Variants in PDGFC observed in about 807,000 individuals in gnomAD.
The protein encoded by PDGFC is platelet derived growth factor C, also known as platelet-derived growth factor C.
In PDGFC, 12 loss-of-function variants were observed where a neutral mutation model predicts 35.5. The observed-to-expected ratio is 0.34, with a 90% confidence interval of 0.22 to 0.55. The LOEUF is 0.55. Among genes scored for constraint, PDGFC ranks in the 20% least tolerant of loss-of-function variants. The probability of loss-of-function intolerance (pLI) is 0.91; values close to 1 mark genes in which losing one functional copy is unlikely to be tolerated. For synonymous variants in PDGFC, 159 were observed against 148.8 expected (o/e 1.07, Z -0.50); for missense variants, 322 against 412.4 (o/e 0.78, Z 1.90).
At chr4:156,854,795 A>ACAGTATAC (rs1332594987) in intron 1 of PDGFC, among the ~76,000 whole-genome samples, 1 of 152,150 alleles carries the variant, frequency 6.6e-6, no homozygotes, top group African/African-American at 2.4e-5. Context: ...TATCCAACAG[A>ACAGTATAC]CAGTATACTC....
chr4:156,930,871 AT>A (rs1225519160), intron 1 of PDGFC, among the ~76,000 whole-genome samples: 1 of 152,212 alleles, frequency 6.6e-6, no homozygotes, highest in East Asian at 1.9e-4. Flanking sequence ...TCTCAAAAAA[AT>A]AAATAAAAAT....
chr4:156,824,624 T>C (rs911906995), intron 2 of PDGFC, among the ~76,000 whole-genome samples: 2 of 152,130 alleles, frequency 1.3e-5, no homozygotes, highest in Non-Finnish European at 2.9e-5. Flanking sequence ...CTGACATAAG[T>C]GATTACCTAT....
chr4:156,870,730 C>G (rs1258771745), intron 1 of PDGFC, among the ~76,000 whole-genome samples: 1 of 152,106 alleles, frequency 6.6e-6, no homozygotes, highest in African/African-American at 2.4e-5. Context: ...GATTAAAAAT[C>G]CTTTTAACAC....
At chr4:156,807,040 G>T (rs1262655433) in intron 3 of PDGFC, among the ~76,000 whole-genome samples, 1 of 150,122 alleles carries the variant, frequency 6.7e-6, no homozygotes, top group African/African-American at 2.4e-5. Flanking sequence ...TCTTTTAGCA[G>T]AAAGGGAAAA....
intron 3 of PDGFC, among the ~76,000 whole-genome samples, chr4:156,781,272 C>A (rs867953985): frequency 6.6e-6 from 1 of 152,108 alleles, no homozygotes; most frequent in African/African-American, 2.4e-5. Context: ...TCCCTACTTC[C>A]ATTGCTGCCA....
At chr4:156,796,316 T>G (rs1454400039) in intron 3 of PDGFC, among the ~76,000 whole-genome samples, 2 of 151,990 alleles carry the variant, frequency 1.3e-5, no homozygotes, top group Non-Finnish European at 2.9e-5. Context: ...TATAATATTT[T>G]TATTTAGTAC....
At chr4:156,783,288 G>C (rs1322335061) in intron 3 of PDGFC, among the ~76,000 whole-genome samples, 1 of 152,106 alleles carries the variant, frequency 6.6e-6, no homozygotes, top group Non-Finnish European at 1.5e-5. Context: ...ATGGAATCTG[G>C]ATTTAATCAC....
intron 3 of PDGFC, among the ~76,000 whole-genome samples, chr4:156,777,216 TG>T (rs1333085434): frequency 1.3e-5 from 2 of 152,170 alleles, no homozygotes; most frequent in African/African-American, 2.4e-5. Flanking sequence ...AAGGCATGTC[TG>T]GCTTATAAAT....
chr4:156,883,608 T>C (rs139680720), intron 1 of PDGFC, among the ~76,000 whole-genome samples: 44 of 152,308 alleles, frequency 2.9e-4, no homozygotes, highest in Admixed American at 2.5e-3. Context: ...ACAAATTAAC[T>C]AGAATACCGC....
chr4:156,851,920 G>A (rs1729463988), intron 1 of PDGFC, among the ~76,000 whole-genome samples: 1 of 70,888 alleles, frequency 1.4e-5, no homozygotes, highest in Non-Finnish European at 2.3e-5. Flanking sequence ...GACAGAATGA[G>A]ACTCCATCTC....
At chr4:156,817,292 A>C (rs1201612539) in intron 2 of PDGFC, among the ~76,000 whole-genome samples, 1 of 152,212 alleles carries the variant, frequency 6.6e-6, no homozygotes, top group Non-Finnish European at 1.5e-5. Flanking sequence ...GTTAAAATTC[A>C]GAATTAAAAC....
chr4:156,919,976 CCTCA>C (rs1731235423), intron 1 of PDGFC, among the ~76,000 whole-genome samples: 2 of 152,102 alleles, frequency 1.3e-5, no homozygotes, highest in Admixed American at 1.3e-4. Context: ...ATGAGTGAAT[CCTCA>C]CTCTATGAGT....
intron 1 of PDGFC, among the ~76,000 whole-genome samples, chr4:156,895,231 A>G (rs961011804): frequency 2.6e-5 from 4 of 152,174 alleles, no homozygotes; most frequent in Non-Finnish European, 4.4e-5. Flanking sequence ...CTTAGTTCTC[A>G]AGGTCTTCTA....
chr4:156,786,557 C>T (rs1731134230), intron 3 of PDGFC, among the ~76,000 whole-genome samples: 1 of 152,032 alleles, frequency 6.6e-6, no homozygotes, highest in Non-Finnish European at 1.5e-5. Context: ...GGAGGGGACG[C>T]TGTGGCTGGA....
intron 3 of PDGFC, among the ~76,000 whole-genome samples, chr4:156,775,355 T>C (rs1208968404): frequency 2.6e-5 from 4 of 152,162 alleles, no homozygotes; most frequent in African/African-American, 7.2e-5. Flanking sequence ...ATCAGTATTA[T>C]TACAAATGGA....
intron 1 of PDGFC, among the ~76,000 whole-genome samples, chr4:156,909,343 C>T (rs2110798274): frequency 6.6e-6 from 1 of 152,244 alleles, no homozygotes; most frequent in African/African-American, 2.4e-5. Context: ...TCCACAAGTT[C>T]ATCTACCTAA....
chr4:156,764,320 C>T (rs1208847032), intron 5 of PDGFC, among the ~76,000 whole-genome samples: 1 of 152,120 alleles, frequency 6.6e-6, no homozygotes, highest in Non-Finnish European at 1.5e-5. Context: ...GGTTAATTAG[C>T]TAACATTTTT....
chr4:156,966,318 T>C (rs1044190892), intron 1 of PDGFC, among the ~76,000 whole-genome samples: 2 of 152,208 alleles, frequency 1.3e-5, no homozygotes, highest in African/African-American at 4.8e-5. Flanking sequence ...TTATATATTC[T>C]GATTACGTAT....
chr4:156,931,765 C>G (rs183864019), intron 1 of PDGFC, among the ~76,000 whole-genome samples: 137 of 152,072 alleles, frequency 9.0e-4, no homozygotes, highest in African/African-American at 3.2e-3. Flanking sequence ...TTTATACTTA[C>G]AGTGGAACAT....
Sources: gnomAD v4.1 joint callset for allele counts (sites outside exome capture counted in the v4.1 genomes callset) on GRCh38, gnomAD v4.1.1 for gene constraint, MANE v1.5 for transcripts, NCBI Gene and HGNC (gene_info 2026-07-23, HGNC 2026-07-21) for gene names.